Variants in CSMD1 observed in about 807,000 individuals in gnomAD.
CSMD1 encodes CUB and Sushi multiple domains 1.
Under a neutral mutation model 417.5 loss-of-function variants are expected in CSMD1, and 213 were observed. The ratio of observed to expected loss-of-function variants is 0.51; its 90% CI spans 0.46 to 0.57. The LOEUF (loss-of-function observed/expected upper bound fraction) is 0.57. Ranked by LOEUF, CSMD1 falls within the 20% of genes least tolerant of loss-of-function variation. CSMD1 has a pLI of 0.00. For missense variants in CSMD1, 6,923 were observed against 4,529.7 expected (o/e 1.53, Z -15.17); for synonymous variants, 2,862 against 1,736.8 (o/e 1.65, Z -16.11).
chr8:3,802,951 A>C (rs1253516934), intron 5 of CSMD1, among the ~76,000 whole-genome samples: 1 of 152,196 alleles, frequency 6.6e-6, no homozygotes, highest in Non-Finnish European at 1.5e-5. Context: ...CTTGAAAATA[A>C]TCAGCCAAAA....
At position 2,992,433 on chromosome 8, in the gene CSMD1, G is replaced by GT. The variant is rs374851134; in HGVS notation, c.8377+5577dup. 4.2e-3 allele frequency among the ~76,000 whole-genome samples: 620 copies of GT among 148,172 alleles called. 4 individuals are homozygous for GT. Among genetic ancestry groups the GT allele is most frequent in the African/African-American group, 0.014 (549 of 40,614 alleles). ...TTTGATTTGCTTTGTTGTTGTTGCT[G>GT]TTTTTTTTTTAATGAAGTCTCGCTC... On this transcript the variant is annotated intron_variant, in intron 54 of 69. Transcript: ENST00000635120.
At chr8:3,715,527 G>C (rs958145713) in intron 6 of CSMD1, among the ~76,000 whole-genome samples, 2 of 151,998 alleles carry the variant, frequency 1.3e-5, no homozygotes, top group African/African-American at 4.8e-5. Flanking sequence ...CTAAGACAAA[G>C]CAAGCAACCT....
At chr8:3,354,872 C>CATATATCTATAGATATGTCTATCTATAG (rs1808646717) in intron 21 of CSMD1, among the ~76,000 whole-genome samples, 4 of 53,998 alleles carry the variant, frequency 7.4e-5, no homozygotes, top group African/African-American at 1.3e-4. Context: ...TATAGATATA[C>CATATATCTATAGATATGTCTATCTATAG]ATATATCTAT....
At chr8:3,220,287 T>C (rs182832780) in intron 28 of CSMD1, among the ~76,000 whole-genome samples, 9 of 152,244 alleles carry the variant, frequency 5.9e-5, no homozygotes, top group African/African-American at 1.9e-4. Flanking sequence ...GTCCCTCTCT[T>C]TCTTTCTCTC....
chr8:3,370,786 C>T (rs951858676), intron 18 of CSMD1, among the ~76,000 whole-genome samples: 1 of 152,142 alleles, frequency 6.6e-6, no homozygotes, highest in Admixed American at 6.5e-5. Context: ...ACCAGCCTGG[C>T]CAGCATGGCA....
intron 3 of CSMD1, among the ~76,000 whole-genome samples, chr8:4,327,452 C>T (rs747214931): frequency 2.0e-5 from 3 of 152,098 alleles, no homozygotes; most frequent in Non-Finnish European, 4.4e-5. Context: ...TTGCAGCCTC[C>T]AGGTTGCTGC....
At chr8:3,650,143 G>T (rs1239146200) in intron 7 of CSMD1, among the ~76,000 whole-genome samples, 1 of 152,106 alleles carries the variant, frequency 6.6e-6, no homozygotes, top group African/African-American at 2.4e-5. Context: ...GCCAGGCATG[G>T]TGGTGGGTGT....
chr8:4,339,979 G>C (rs957189820), intron 3 of CSMD1, among the ~76,000 whole-genome samples: 27 of 152,058 alleles, frequency 1.8e-4, no homozygotes, highest in African/African-American at 6.5e-4. Context: ...AGCGGTGATA[G>C]CAACACTGCA....
intron 6 of CSMD1, among the ~76,000 whole-genome samples, chr8:3,713,546 TC>T (rs1801649418): frequency 1.3e-5 from 2 of 152,090 alleles, no homozygotes; most frequent in African/African-American, 4.8e-5. Flanking sequence ...TTCCTCAAGA[TC>T]CACTGAACTT....
chr8:3,387,013 C>G (rs1475477031), intron 18 of CSMD1, among the ~76,000 whole-genome samples: 3 of 152,130 alleles, frequency 2.0e-5, no homozygotes, highest in Non-Finnish European at 4.4e-5. Flanking sequence ...TCACAAAAAG[C>G]TGCTGAAGAT....
intron 3 of CSMD1, among the ~76,000 whole-genome samples, chr8:4,052,717 AT>A (rs1401353119): frequency 6.6e-6 from 1 of 152,120 alleles, no homozygotes; most frequent in Non-Finnish European, 1.5e-5. Flanking sequence ...TGTTATAAAT[AT>A]TTAGCTCATC....
chr8:4,525,346 G>A (rs1410534916), intron 2 of CSMD1, among the ~76,000 whole-genome samples: 1 of 152,100 alleles, frequency 6.6e-6, no homozygotes, highest in South Asian at 2.1e-4. Context: ...AGCAGACAGT[G>A]AGTGAGAAAC....
Position 4,738,807 on chromosome 8 carries a change from T to C in CSMD1, c.86-101249A>G, listed in dbSNP as rs1354782987. On this transcript the variant is annotated intron_variant, in intron 1 of 69. Coordinates refer to ENST00000635120, the MANE Select transcript of CSMD1 (RefSeq NM_033225.6). ...TAAACAAATAAGATGGATGCCCCTG[T>C]CTGAGTTCAACTACAGATGGAGAAT... 3.9e-5 allele frequency among the ~76,000 whole-genome samples: 6 copies of C among 152,142 alleles called. No homozygotes were observed. In the East Asian group the frequency reaches 7.7e-4, roughly 20 times the overall value.
chr8:3,985,756 ATTT>A (rs11288801), intron 5 of CSMD1, among the ~76,000 whole-genome samples: 36,734 of 142,340 alleles, frequency 0.26, 4,527 homozygotes, highest in East Asian at 0.39. Context: ...TGTTAAAGTG[ATTT>A]TTTTTTTTTT....
intron 10 of CSMD1, among the ~76,000 whole-genome samples, chr8:3,527,217 C>G (rs1394445507): frequency 6.6e-6 from 1 of 152,154 alleles, no homozygotes; most frequent in Non-Finnish European, 1.5e-5. Flanking sequence ...TTCCACTACT[C>G]AGAACCAAAT....
intron 26 of CSMD1, among the ~76,000 whole-genome samples, chr8:3,278,199 G>C (rs572406935): frequency 2.0e-5 from 3 of 152,284 alleles, no homozygotes; most frequent in South Asian, 4.1e-4. Flanking sequence ...TTCCAGAAGA[G>C]AGAGTCAAAT....
chr8:4,002,818 C>G (rs1032880566), intron 4 of CSMD1, among the ~76,000 whole-genome samples: 3 of 152,048 alleles, frequency 2.0e-5, no homozygotes, highest in Non-Finnish European at 2.9e-5. Flanking sequence ...TAAAAATTCC[C>G]TCATACAAAA....
chr8:4,894,766 G>A (rs898921577), intron 1 of CSMD1, among the ~76,000 whole-genome samples: 1 of 151,822 alleles, frequency 6.6e-6, no homozygotes, highest in Non-Finnish European at 1.5e-5. Flanking sequence ...GTGTGCACAT[G>A]TATAAAATCT....
At chr8:4,011,477 T>C (rs188388978) in intron 4 of CSMD1, among the ~76,000 whole-genome samples, 4 of 152,158 alleles carry the variant, frequency 2.6e-5, no homozygotes, top group Admixed American at 6.5e-5. Context: ...TTAACCTTGT[T>C]ACATCCTCTC....
Sources: allele counts gnomAD v4.1 joint callset (sites outside exome capture counted in the v4.1 genomes callset), GRCh38; gene constraint gnomAD v4.1.1; transcripts MANE v1.5; gene names NCBI Gene and HGNC (gene_info 2026-07-23, HGNC 2026-07-21).